The following PTPRG variants were observed in gnomAD, a reference collection of about 807,000 sequenced individuals.
PTPRG encodes the protein protein tyrosine phosphatase receptor type G, also known as receptor-type tyrosine-protein phosphatase gamma.
Under a neutral mutation model 165.3 loss-of-function variants are expected in PTPRG, and 102 were observed. That is an observed-to-expected ratio of 0.62 (90% confidence interval 0.53 to 0.73). The LOEUF is 0.73. PTPRG is among the 30% of genes least tolerant of loss of function. The pLI, the probability that PTPRG is intolerant of heterozygous loss-of-function variation, is 0.00. For synonymous variants in PTPRG, 675 were observed against 669.5 expected (o/e 1.01, Z -0.13); for missense variants, 1,866 against 1,861.4 (o/e 1.00, Z -0.05).
chr3:62,248,579 CTT>C (rs1701342230), intron 15 of PTPRG, among the ~76,000 whole-genome samples: 2 of 152,188 alleles, frequency 1.3e-5, no homozygotes, highest in South Asian at 4.1e-4. Context: ...AAAAAACAAA[CTT>C]GAATATTACA....
intron 8 of PTPRG, among the ~76,000 whole-genome samples, chr3:62,183,384 C>T (rs969223685): frequency 2.0e-5 from 3 of 151,976 alleles, no homozygotes; most frequent in Non-Finnish European, 4.4e-5. Context: ...GCCAGCATGG[C>T]GAAACTCTGT....
intron 4 of PTPRG, among the ~76,000 whole-genome samples, chr3:62,061,922 G>A (rs538669781): frequency 1.1e-4 from 17 of 151,896 alleles, no homozygotes; most frequent in South Asian, 2.1e-4. Context: ...GAGCCACTGC[G>A]CCCAGCTGCC....
At chr3:61,910,931 C>G (rs113276102) in intron 2 of PTPRG, among the ~76,000 whole-genome samples, 7 of 152,220 alleles carry the variant, frequency 4.6e-5, no homozygotes, top group African/African-American at 1.4e-4. Flanking sequence ...TCTGGTTGTC[C>G]CCCATTCTTT....
intron 1 of PTPRG, among the ~76,000 whole-genome samples, chr3:61,644,582 C>T (rs571779444): frequency 7.9e-5 from 12 of 152,280 alleles, no homozygotes; most frequent in African/African-American, 2.4e-4. Flanking sequence ...TGTGCACACA[C>T]GCCCCCACTG....
At chr3:62,109,534 T>C (rs1559516907) in intron 5 of PTPRG, among the ~76,000 whole-genome samples, 1 of 152,178 alleles carries the variant, frequency 6.6e-6, no homozygotes, top group African/African-American at 2.4e-5. Flanking sequence ...GCAGGCTCTT[T>C]TTTGGTTCCA....
rs1169177844 is a variant in PTPRG at position 61,738,279 on chromosome 3, CATATATATATATAT to C, written c.86-10579_86-10566del. On this transcript the variant is annotated intron_variant, in intron 1 of 29. Transcript: ENST00000474889. ...ATTTTTATATATATATATATATATA[CATATATATATATAT>C]ATATATATATATATATATACATATA... Among the ~76,000 whole-genome samples, 3 of 15,500 alleles carry C rather than the reference CATATATATATATAT, an allele frequency of 1.9e-4. No individual in the cohort carries two copies. The South Asian group carries it at 5.9e-3, about 30-fold the overall frequency. 10.2% of individuals were successfully genotyped at this position (15,500 alleles called of 152,430 possible).
At chr3:61,830,187 T>A (rs17065444) in intron 2 of PTPRG, among the ~76,000 whole-genome samples, 7,442 of 152,300 alleles carry the variant, frequency 0.049, 292 homozygotes, top group East Asian at 0.21. Context: ...GGCATAACCC[T>A]GGGAATACTG....
rs147931357 is a variant in PTPRG, at chr3:61,943,808, A to G, written c.191-45817A>G. Among the ~76,000 whole-genome samples the G allele has an allele frequency of 5.8e-4, 88 of 152,252 alleles. 2 individuals are homozygous for G. The East Asian group carries it at 0.012, about 20-fold the overall frequency. The stretch of plus-strand genomic sequence containing the variant: ...AAGCATGAATGAAATGGCAGGGCCT[A>G]TGCTCCCAGAGGATTGGATAACTGC... On this transcript the variant is annotated intron_variant, in intron 2 of 29. Transcript: ENST00000474889.
intron 1 of PTPRG, among the ~76,000 whole-genome samples, chr3:61,641,174 C>G (rs1702048945): frequency 6.6e-6 from 1 of 152,074 alleles, no homozygotes; most frequent in African/African-American, 2.4e-5. Context: ...AAATAAAATT[C>G]CTACCTCCCC....
intron 1 of PTPRG, among the ~76,000 whole-genome samples, chr3:61,571,740 G>T (rs182348364): frequency 1.3e-5 from 2 of 152,080 alleles, no homozygotes; most frequent in African/African-American, 4.8e-5. Flanking sequence ...GTAGTAATGC[G>T]GTATTTTTAC....
chr3:61,581,360 C>T (rs7640189), intron 1 of PTPRG, among the ~76,000 whole-genome samples: 12 of 152,136 alleles, frequency 7.9e-5, no homozygotes, highest in Non-Finnish European at 1.0e-4. Context: ...GTCAAATCAG[C>T]GGTCTTTCTC....
chr3:61,809,372 C>T (rs867319902), intron 2 of PTPRG, among the ~76,000 whole-genome samples: 7 of 151,984 alleles, frequency 4.6e-5, no homozygotes, highest in African/African-American at 1.7e-4. Context: ...TGAGGGGAGA[C>T]ATTGCCCATG....
chr3:61,888,339 G>GTTTTTTTTTTTT (rs138254874), intron 2 of PTPRG, among the ~76,000 whole-genome samples: 1 of 150,188 alleles, frequency 6.7e-6, no homozygotes. Context: ...TTGTTTGTTT[G>GTTTTTTTTTTTT]TTTGTTGTTT....
At chr3:61,839,495 G>A (rs1347187394) in intron 2 of PTPRG, among the ~76,000 whole-genome samples, 2 of 152,186 alleles carry the variant, frequency 1.3e-5, no homozygotes, top group Admixed American at 6.5e-5. Flanking sequence ...TGGAATTTCT[G>A]GGAAGGACCA....
chr3:62,203,386 A>C lies in PTPRG; in HGVS notation c.1591A>C (p.Ser531Arg). The C allele has an allele frequency of 5.0e-6, 8 of 1,613,388 alleles. No homozygotes were observed. The highest frequency in any genetic ancestry group is 6.8e-6 in the Non-Finnish European group (8 of 1,179,888). ...FGGGGISSFP[S>R]TVWPTRLPTA... ...CGGTGGTGGCATCTCCTCTTTCCCC[A>C]GCACTGTGTGGCCCACGCGCCTCCC... The change falls in exon 12 of 30, where the codon AGC becomes CGC. Residue 531 changes from serine (S) to arginine (R), a missense_variant. This residue lies in a region of PTPRG where 1,452 missense variants were observed against 1,463.0 expected (regional missense o/e 0.99). Transcript: ENST00000474889. The surrounding 1 kb of genome is among the most constrained non-coding windows in gnomAD (Gnocchi z 6.4).
At chr3:61,598,475 T>C (rs970763698) in intron 1 of PTPRG, among the ~76,000 whole-genome samples, 6 of 152,146 alleles carry the variant, frequency 3.9e-5, no homozygotes, top group Non-Finnish European at 8.8e-5. Context: ...TCTCTTATTT[T>C]GGGGCTTTAT....
At chr3:62,135,031 G>A (rs1444082502) in intron 6 of PTPRG, among the ~76,000 whole-genome samples, 6 of 152,108 alleles carry the variant, frequency 3.9e-5, no homozygotes, top group African/African-American at 1.4e-4. Flanking sequence ...CCAGAACTTT[G>A]GGAGGCTGAG....
chr3:62,296,194 C>A lies in PTPRG; in HGVS notation c.*2887C>A, dbSNP rs1703057086. ...TCTTTAATATGAAAAAAGTTAATTT[C>A]TGAATTTCAAAAAGAGTAAGATTAG... is the stretch of plus-strand genomic sequence containing the variant. On this transcript the variant is annotated 3_prime_UTR_variant, in exon 30 of 30. Transcript: ENST00000474889. The A allele has an allele frequency of 6.6e-6, 1 of 151,866 alleles. No homozygotes were observed. The allele number at this position is 151,866 out of a possible 1,614,324, so 9.4% of individuals were successfully genotyped here. A position where few individuals can be genotyped will look rare whatever the true frequency, so the allele number is the denominator to read the frequency against.
chr3:62,147,009 A>G (rs1704146676), intron 6 of PTPRG, among the ~76,000 whole-genome samples: 1 of 152,224 alleles, frequency 6.6e-6, no homozygotes, highest in South Asian at 2.1e-4. Context: ...TCTTGCTGTA[A>G]CAGAGCCTAC....
Sources: allele counts gnomAD v4.1 joint callset (sites outside exome capture counted in the v4.1 genomes callset), GRCh38; gene constraint gnomAD v4.1.1; regional missense constraint gnomAD v4.1.1; non-coding constraint Gnocchi (gnomAD v3.1); transcripts MANE v1.5; gene names NCBI Gene and HGNC (gene_info 2026-07-23, HGNC 2026-07-21).